Variants in PHLDB2 observed in about 807,000 individuals in gnomAD.
PHLDB2 encodes the protein pleckstrin homology-like domain family B member 2.
Under a neutral mutation model 123.6 loss-of-function variants are expected in PHLDB2, and 71 were observed. The ratio of observed to expected loss-of-function variants is 0.57; its 90% confidence interval spans 0.47 to 0.70. The LOEUF is 0.70. Ranked by LOEUF, PHLDB2 falls within the 30% of genes least tolerant of loss-of-function variation. PHLDB2 has a pLI of 0.00. For synonymous variants in PHLDB2, 547 were observed against 541.6 expected, an observed-to-expected ratio of 1.01 and a Z score of -0.14; for missense variants, 1,446 against 1,519.5, an observed-to-expected ratio of 0.95 and a Z score of 0.80.
At chr3:111,859,175 T>C (rs1371489997), upstream of PHLDB2, 3 of 984,934 alleles carry the variant, frequency 3.0e-6, no homozygotes, top group African/African-American at 5.2e-5. Flanking sequence ...AATAGATACT[T>C]CGCTGTCTGG....
chr3:111,959,674 T>C (rs1247560194), intron 12 of PHLDB2, among the ~76,000 whole-genome samples: 2 of 152,212 alleles, frequency 1.3e-5, no homozygotes, highest in Admixed American at 1.3e-4. Flanking sequence ...TAGTTTACTA[T>C]CTCCTTCACC....
rs965179460 is a variant in PHLDB2, at chr3:111,758,653, C to T, written c.-49+25950C>T. 5.8e-4 allele frequency among the ~76,000 whole-genome samples: 88 copies of T among 152,318 alleles called. 1 individual carries two copies. Among genetic ancestry groups the T allele is most frequent in the Non-Finnish European group, 4.1e-4 (28 of 68,030 alleles). On this transcript the variant is annotated intron_variant, in intron 1 of 17. Coordinates refer to the PHLDB2 transcript ENST00000393923. The stretch of plus-strand genomic sequence containing the variant: ...CTGGCACTCCCTAGTGAGATGAACC[C>T]GGTACCTCAGATGGAAATGCAGAAA...
chr3:111,873,398 G>A (rs1255620050), intron 1 of PHLDB2, among the ~76,000 whole-genome samples: 1 of 152,138 alleles, frequency 6.6e-6, no homozygotes, highest in Non-Finnish European at 1.5e-5. Flanking sequence ...ACAGAGCTTC[G>A]TAATATTTTA....
At chr3:111,769,764 G>A (rs772689587) in intron 1 of PHLDB2, among the ~76,000 whole-genome samples, 2 of 152,180 alleles carry the variant, frequency 1.3e-5, no homozygotes, top group African/African-American at 4.8e-5. Context: ...CTTTGAACTC[G>A]TGTTTCGTTC....
At chr3:111,855,258 C>CAAGAAAG (rs2064429568), upstream of PHLDB2, among the ~76,000 whole-genome samples, 1 of 152,090 alleles carries the variant, frequency 6.6e-6, no homozygotes, top group Non-Finnish European at 1.5e-5. Context: ...GAGAGGCAAA[C>CAAGAAAG]AAGAAAGGTC....
rs535980444 is a variant in PHLDB2 at position 111,750,594 on chromosome 3, C to A, written c.-49+17891C>A. Among the ~76,000 whole-genome samples the A allele has an allele frequency of 3.0e-4, 46 of 152,178 alleles. 1 individual carries two copies. In the Middle Eastern group the frequency reaches 0.02, roughly 68 times the overall value. ...AGTAATCTGAGAGATCATCTTCTACCCCAGTGTTTCCTAAACTTACCTGTT... is the reference window on the plus strand; with the variant it reads ...AGTAATCTGAGAGATCATCTTCTACACCAGTGTTTCCTAAACTTACCTGTT... On this transcript the variant is annotated intron_variant, in intron 1 of 17. Transcript: ENST00000393923.
intron 1 of PHLDB2, among the ~76,000 whole-genome samples, chr3:111,841,957 A>G (rs958030618): frequency 1.3e-5 from 2 of 152,212 alleles, no homozygotes; most frequent in Non-Finnish European, 2.9e-5. Flanking sequence ...AGCACAGTAC[A>G]TGTATTAAGG....
intron 1 of PHLDB2, among the ~76,000 whole-genome samples, chr3:111,869,162 T>C (rs1180002238): frequency 5.9e-5 from 9 of 152,264 alleles, no homozygotes; most frequent in South Asian, 2.1e-4. Context: ...GAATTTTTTT[T>C]TTCTTCTTCT....
In PHLDB2 at chr3:111,884,605, C is replaced by T. The variant is rs201929433; in HGVS notation, c.528C>T (p.Leu176=). Residue 176 remains leucine, a synonymous_variant, in exon 2 of 18, where the codon CTC becomes CTT. Transcript: ENST00000431670. The part of the protein sequence containing the change: ...GLEGRKASGS[L]LAMWNGSSLS... ...AAGGTCGGAAGGCATCTGGCTCGCT[C>T]CTGGCCATGTGGAATGGAAGTTCCC... 6.2e-7 allele frequency: 1 copy of T among 1,614,150 alleles called. No individual in the cohort carries two copies. The highest frequency in any genetic ancestry group is 8.5e-7 in the Non-Finnish European group (1 of 1,180,028).
intron 1 of PHLDB2, among the ~76,000 whole-genome samples, chr3:111,739,583 A>AAAAC (rs1553721283): frequency 1.3e-5 from 1 of 79,332 alleles, no homozygotes; most frequent in African/African-American, 3.2e-5. Context: ...TAAAAAAAAA[A>AAAAC]AAAACAAAAC....
intron 1 of PHLDB2, among the ~76,000 whole-genome samples, chr3:111,759,735 T>TTG (rs2059961865): frequency 6.6e-6 from 1 of 152,230 alleles, no homozygotes; most frequent in Non-Finnish European, 1.5e-5. Context: ...AATTTATAAG[T>TTG]GAGCAAACAA....
intron 1 of PHLDB2, among the ~76,000 whole-genome samples, chr3:111,769,785 C>T (rs1373953059): frequency 6.6e-6 from 1 of 152,202 alleles, no homozygotes; most frequent in East Asian, 1.9e-4. Context: ...CATCTCTAAA[C>T]TGTATGATCT....
chr3:111,823,270 G>T (rs1240407558), intron 1 of PHLDB2, among the ~76,000 whole-genome samples: 1 of 152,196 alleles, frequency 6.6e-6, no homozygotes, highest in Non-Finnish European at 1.5e-5. Flanking sequence ...TGGAATAGGT[G>T]TTCAATAATT....
chr3:111,792,332 T>C (rs1231411613), intron 1 of PHLDB2, among the ~76,000 whole-genome samples: 2 of 152,220 alleles, frequency 1.3e-5, no homozygotes, highest in Admixed American at 1.3e-4. Context: ...AGATAATGAA[T>C]ATGAGATTCA....
At chr3:111,822,570 G>A (rs1576742957) in intron 1 of PHLDB2, among the ~76,000 whole-genome samples, 1 of 152,070 alleles carries the variant, frequency 6.6e-6, no homozygotes, top group African/African-American at 2.4e-5. Flanking sequence ...CCATCTTAAA[G>A]GATGGGAATT....
intron 5 of PHLDB2, among the ~76,000 whole-genome samples, chr3:111,926,622 A>T (rs141844680): frequency 4.0e-5 from 6 of 151,288 alleles, no homozygotes; most frequent in African/African-American, 1.5e-4. Context: ...ACATTCATCA[A>T]TTGTGTAATT....
At chr3:111,778,163 G>A (rs113320130) in intron 1 of PHLDB2, 14 of 152,060 alleles carry the variant, frequency 9.2e-5, no homozygotes, top group African/African-American at 2.9e-4. Flanking sequence ...CCACCAAGAC[G>A]TCAGAATGTG....
intron 1 of PHLDB2, among the ~76,000 whole-genome samples, chr3:111,779,500 AGTTTTCT>A (rs1248584339): frequency 6.6e-6 from 1 of 151,952 alleles, no homozygotes; most frequent in Non-Finnish European, 1.5e-5. Flanking sequence ...AACTGTATTT[AGTTTTCT>A]GTTTCTGCAT....
intron 1 of PHLDB2, among the ~76,000 whole-genome samples, chr3:111,866,943 G>GTGTGTGTA (rs1348943692): frequency 1.3e-5 from 2 of 150,644 alleles, no homozygotes; most frequent in Non-Finnish European, 3.0e-5. Context: ...GTGTGTGTGT[G>GTGTGTGTA]TGTGTGTGTG....
Sources: allele counts gnomAD v4.1 joint callset (sites outside exome capture counted in the v4.1 genomes callset), GRCh38; gene constraint gnomAD v4.1.1; transcripts MANE v1.5; gene names NCBI Gene and HGNC (gene_info 2026-07-23, HGNC 2026-07-21).